The following LCA5 variants were observed in gnomAD, a reference collection of about 807,000 sequenced individuals.
LCA5 encodes lebercilin LCA5.
Under a neutral mutation model 53.0 loss-of-function variants are expected in LCA5, and 37 were observed. That is an observed-to-expected ratio of 0.70 (90% CI 0.54 to 0.92). LCA5 has a LOEUF of 0.92. Ranked by LOEUF, LCA5 falls within the 40% of genes least tolerant of loss-of-function variation. The pLI is 0.00. For synonymous variants in LCA5, 303 were observed against 282.9 expected (o/e 1.07, Z -0.71); for missense variants, 806 against 790.5 (o/e 1.02, Z -0.23).
At position 79,534,581 on chromosome 6, in the gene LCA5, T is replaced by A. The variant is rs182861110; in HGVS notation, c.-192+2584A>T. On this transcript the variant is annotated intron_variant, in intron 1 of 7. Coordinates refer to ENST00000369846, the MANE Select transcript of LCA5 (RefSeq NM_001122769.3). Reference sequence around the variant, plus strand: ...AAAAAATAATGCGACAGTCTATAAGTACTAATGATAAAAGGAAGCAGAGAA... The same window carrying A: ...AAAAAATAATGCGACAGTCTATAAGAACTAATGATAAAAGGAAGCAGAGAA... Among the ~76,000 whole-genome samples, 5 of 152,154 alleles carry A rather than the reference T, an allele frequency of 3.3e-5. No individual in the cohort carries two copies. The East Asian group carries it at 7.7e-4, about 24-fold the overall frequency.
intron 3 of LCA5, among the ~76,000 whole-genome samples, chr6:79,501,815 T>C (rs1037562792): frequency 6.6e-6 from 1 of 151,212 alleles, no homozygotes; most frequent in East Asian, 1.9e-4. Context: ...GAGTTCTCTA[T>C]AGTTCTCTAT....
Position 79,487,124 on chromosome 6 carries a change from G to C in LCA5, c.1974C>G (p.Phe658Leu). Residue 658 changes from phenylalanine (F) to leucine (L), a missense_variant, in exon 8 of 8, where the codon TTC becomes TTG. Coordinates refer to ENST00000369846, the MANE Select transcript of LCA5 (RefSeq NM_001122769.3). ...DQEHDEDEGF[F>L]LSEGRSFNPN... is the part of the protein sequence containing the mutation. ...GATTAAAACTTCTTCCTTCACTGAG[G>C]AAAAAGCCTTCATCTTCATCATGTT... 5.0e-6 allele frequency: 8 copies of C among 1,613,834 alleles called. No homozygotes were observed. The highest frequency in any genetic ancestry group is 6.8e-6 in the Non-Finnish European group (8 of 1,179,888).
rs917449074 is a variant in LCA5 at position 79,507,249 on chromosome 6, A to T, written c.720+5963T>A. Among the ~76,000 whole-genome samples the T allele has an allele frequency of 2.0e-5, 3 of 152,160 alleles. No homozygotes were observed. In the South Asian group the frequency reaches 6.2e-4, roughly 32 times the overall value. On this transcript the variant is annotated intron_variant, in intron 3 of 7. Coordinates refer to ENST00000369846, the MANE Select transcript of LCA5 (RefSeq NM_001122769.3). ...ATAGAAAATTATGCACTCTTGTCCT[A>T]ATTTATTTTTGGTTTGGGAAATATA... is the stretch of plus-strand genomic sequence containing the variant.
In LCA5 at chr6:79,513,205, A is replaced by G; in HGVS notation, c.720+7T>C. On this transcript the variant is annotated splice_region_variant and intron_variant, in intron 3 of 7. Coordinates refer to ENST00000369846, the MANE Select transcript of LCA5 (RefSeq NM_001122769.3). ...GAAAGTACAATTAGAAGCTGTAGAAATTGTACCTTAATTCTTCTCTCGGTG... is the reference window on the plus strand; with the variant it reads ...GAAAGTACAATTAGAAGCTGTAGAAGTTGTACCTTAATTCTTCTCTCGGTG... 6.2e-7 allele frequency: 1 copy of G among 1,611,758 alleles called. No homozygotes were observed. Among genetic ancestry groups the G allele is most frequent in the Non-Finnish European group, 8.5e-7 (1 of 1,178,104 alleles).
In LCA5 at chr6:79,487,172, C is replaced by T. The variant is rs1769685888; in HGVS notation, c.1926G>A (p.Gly642=). The part of the protein sequence containing the change: ...GDIDPLNFLP[G]NKGSRDQEHD... Reference sequence around the variant, plus strand: ...GTTCTTGATCTCTGCTGCCTTTATTCCCAGGGAGAAAATTTAGAGGGTCAA... The same window carrying T: ...GTTCTTGATCTCTGCTGCCTTTATTTCCAGGGAGAAAATTTAGAGGGTCAA... The change falls in exon 8 of 8, where the codon GGG becomes GGA. Residue 642 remains glycine, a synonymous_variant. Coordinates refer to ENST00000369846, the MANE Select transcript of LCA5 (RefSeq NM_001122769.3). 1 of 1,613,956 alleles carries T rather than the reference C, an allele frequency of 6.2e-7. No individual in the cohort carries two copies. The highest frequency in any genetic ancestry group is 8.5e-7 in the Non-Finnish European group (1 of 1,179,900).
At chr6:79,530,908 G>A (rs1014487024) in intron 1 of LCA5, among the ~76,000 whole-genome samples, 5 of 152,012 alleles carry the variant, frequency 3.3e-5, no homozygotes, top group Non-Finnish European at 5.9e-5. Context: ...ATAACGATGA[G>A]GTAAAGGAAG....
intron 6 of LCA5, among the ~76,000 whole-genome samples, chr6:79,489,511 C>T (rs568131181): frequency 6.6e-6 from 1 of 151,750 alleles, no homozygotes; most frequent in African/African-American, 2.4e-5. Flanking sequence ...TTAGAAGTAT[C>T]CTTGCTTTGT....
chr6:79,487,857 C>T lies in LCA5; in HGVS notation c.1241G>A (p.Arg414Lys). The change falls in exon 8 of 8, where the codon AGA becomes AAA. Residue 414 changes from arginine (R) to lysine (K), a missense_variant. Physicochemically the swap from Arg to Lys is conservative, Grantham distance 26. Transcript: ENST00000369846. Reference sequence around the variant, plus strand: ...TTTTTGCTTTTTATCAAGTTCTTCTCTTTCCCATTCTGTATGAAATCAAAT... The same window carrying T: ...TTTTTGCTTTTTATCAAGTTCTTCTTTTTCCCATTCTGTATGAAATCAAAT... ...EVEKLEDEWE[R>K]EELDKKQKEK... is the part of the protein sequence containing the mutation. The T allele has an allele frequency of 1.2e-6, 2 of 1,604,608 alleles. No individual in the cohort carries two copies. Among genetic ancestry groups the T allele is most frequent in the South Asian group, 1.1e-5 (1 of 88,604 alleles).
At chr6:79,488,722 AC>A (rs1386940058) in intron 7 of LCA5, 1 of 376,274 alleles carries the variant, frequency 2.7e-6, no homozygotes, top group African/African-American at 2.1e-5. Context: ...TGCCACTTTA[AC>A]TTTGAAACTA....
chr6:79,527,559 C>T (rs566357708), intron 1 of LCA5, among the ~76,000 whole-genome samples: 1 of 152,156 alleles, frequency 6.6e-6, no homozygotes, highest in Non-Finnish European at 1.5e-5. Context: ...ATTACAGCAG[C>T]GCATGACTCC....
intron 6 of LCA5, among the ~76,000 whole-genome samples, chr6:79,489,849 A>G (rs976692468): frequency 3.9e-5 from 6 of 152,022 alleles, no homozygotes; most frequent in Admixed American, 3.9e-4. Flanking sequence ...CAGGACAGAG[A>G]GCTGCTTAGC....
chr6:79,523,919 T>C (rs1392506067), intron 1 of LCA5, among the ~76,000 whole-genome samples: 1 of 152,216 alleles, frequency 6.6e-6, no homozygotes, highest in Non-Finnish European at 1.5e-5. Context: ...ATATGTACGC[T>C]ATATCTTAAG....
intron 2 of LCA5, among the ~76,000 whole-genome samples, chr6:79,514,791 G>A (rs1766380135): frequency 6.6e-6 from 1 of 152,180 alleles, no homozygotes; most frequent in East Asian, 1.9e-4. Flanking sequence ...GATTTCACTT[G>A]TAAGTGGAAG....
At chr6:79,499,277 A>AAT (rs1399404616) in intron 3 of LCA5, among the ~76,000 whole-genome samples, 4 of 151,980 alleles carry the variant, frequency 2.6e-5, no homozygotes, top group Non-Finnish European at 4.4e-5. Context: ...TCTAATTAAA[A>AAT]ATATATATAC....
chr6:79,487,143 T>A lies in LCA5; in HGVS notation c.1955A>T (p.Asp652Val). The A allele has an allele frequency of 6.2e-7, 1 of 1,614,012 alleles. No homozygotes were observed. The highest frequency in any genetic ancestry group is 1.1e-5 in the South Asian group (1 of 91,082). ...GNKGSRDQEH[D>V]EDEGFFLSEG... ...ACTGAGGAAAAAGCCTTCATCTTCA[T>A]CATGTTCTTGATCTCTGCTGCCTTT... The change falls in exon 8 of 8, where the codon GAT (aspartate) becomes GTT (valine). Residue 652 changes from aspartate (D) to valine (V), a missense_variant. Coordinates refer to ENST00000369846, the MANE Select transcript of LCA5 (RefSeq NM_001122769.3).
intron 4 of LCA5, 27 bp from the exon 5 acceptor site, chr6:79,492,674 GA>G (rs768068709): frequency 6.8e-6 from 8 of 1,174,904 alleles, no homozygotes; most frequent in Non-Finnish European, 8.7e-6. Context: ...TACAATTAAG[GA>G]AGTAGAGCCT....
At chr6:79,521,643 G>A (rs1282533737) in intron 1 of LCA5, among the ~76,000 whole-genome samples, 5 of 152,028 alleles carry the variant, frequency 3.3e-5, no homozygotes, top group African/African-American at 1.2e-4. Context: ...ATTTATGATG[G>A]CTTTTATTTA....
intron 1 of LCA5, among the ~76,000 whole-genome samples, chr6:79,534,800 T>A (rs1005477687): frequency 1.3e-5 from 2 of 152,056 alleles, no homozygotes; most frequent in Non-Finnish European, 2.9e-5. Flanking sequence ...CGACCCTGTC[T>A]CAATAAGAGG....
At chr6:79,489,040 G>C (rs910346137) in intron 7 of LCA5, 44 bp downstream of exon 7, 1 of 1,606,988 alleles carries the variant, frequency 6.2e-7, no homozygotes, top group African/African-American at 1.3e-5. Context: ...TCTTTCTCAA[G>C]GGATGCTGAC....
Sources: gnomAD v4.1 joint callset for allele counts (sites outside exome capture counted in the v4.1 genomes callset) on GRCh38, gnomAD v4.1.1 for gene constraint, MANE v1.5 for transcripts, NCBI Gene and HGNC (gene_info 2026-07-23, HGNC 2026-07-21) for gene names.